MAGI2: variants seen among roughly 807,000 people sequenced by gnomAD.
The protein encoded by MAGI2 is membrane-associated guanylate kinase, WW and PDZ domain-containing protein 2.
Under a neutral mutation model 133.3 loss-of-function variants are expected in MAGI2, and 35 were observed. The observed-to-expected ratio is 0.26, with a 90% CI of 0.20 to 0.35. The LOEUF is 0.35. Ranked by LOEUF, MAGI2 falls within the 10% of genes least tolerant of loss-of-function variation. The pLI is 1.00. For synonymous variants in MAGI2, 729 were observed against 710.6 expected, an observed-to-expected ratio of 1.03 and a Z score of -0.41; for missense variants, 1,636 against 1,863.4, an observed-to-expected ratio of 0.88 and a Z score of 2.25.
intron 7 of MAGI2, among the ~76,000 whole-genome samples, chr7:78,368,567 T>C (rs1793613323): frequency 6.6e-6 from 1 of 152,000 alleles, no homozygotes; most frequent in Non-Finnish European, 1.5e-5. Flanking sequence ...CCAAGAAAAA[T>C]ATGTGTATAT....
At chr7:79,333,558 T>C (rs763277164) in intron 1 of MAGI2, among the ~76,000 whole-genome samples, 20 of 152,344 alleles carry the variant, frequency 1.3e-4, no homozygotes, top group Non-Finnish European at 2.6e-4. Flanking sequence ...TACAATTTCT[T>C]ATTAAGCAGT....
intron 2 of MAGI2, among the ~76,000 whole-genome samples, chr7:78,674,729 T>C (rs1329018250): frequency 6.6e-6 from 1 of 152,122 alleles, no homozygotes; most frequent in African/African-American, 2.4e-5. Flanking sequence ...AGAGATTATA[T>C]GCAACTATTC....
At chr7:78,874,190 A>T (rs566764719) in intron 2 of MAGI2, among the ~76,000 whole-genome samples, 1 of 152,296 alleles carries the variant, frequency 6.6e-6, no homozygotes, top group East Asian at 1.9e-4. Flanking sequence ...TTTTATGGAG[A>T]GAAACAACTT....
chr7:79,333,522 G>A (rs1840231481), intron 1 of MAGI2, among the ~76,000 whole-genome samples: 1 of 152,098 alleles, frequency 6.6e-6, no homozygotes, highest in Non-Finnish European at 1.5e-5. Flanking sequence ...CCATTTTACA[G>A]TATTTGGATT....
At chr7:78,884,003 G>A (rs1247596507) in intron 2 of MAGI2, among the ~76,000 whole-genome samples, 1 of 152,070 alleles carries the variant, frequency 6.6e-6, no homozygotes, top group Admixed American at 6.5e-5. Flanking sequence ...AAATTGACAA[G>A]TGCGACCTGA....
chr7:78,931,047 T>C (rs527410168), intron 2 of MAGI2, among the ~76,000 whole-genome samples: 3 of 152,180 alleles, frequency 2.0e-5, no homozygotes, highest in African/African-American at 7.2e-5. Context: ...CATGAAGAAT[T>C]AACGCAGAAG....
chr7:78,587,100 G>A (rs1051630790), intron 3 of MAGI2, among the ~76,000 whole-genome samples: 2 of 152,168 alleles, frequency 1.3e-5, no homozygotes, highest in African/African-American at 4.8e-5. Flanking sequence ...ATACCCAGAA[G>A]TGAAATTGCT....
At chr7:79,257,803 G>T (rs1006378094) in intron 1 of MAGI2, among the ~76,000 whole-genome samples, 1 of 152,020 alleles carries the variant, frequency 6.6e-6, no homozygotes, top group South Asian at 2.1e-4. Flanking sequence ...TGCTACTCAC[G>T]AGAAAAAGGA....
chr7:78,617,570 G>A (rs1452621297), intron 3 of MAGI2: 1 of 152,062 alleles, frequency 6.6e-6, no homozygotes, highest in African/African-American at 2.4e-5. Flanking sequence ...TCAATAAGGA[G>A]AAGCTTTCAT....
chr7:78,351,421 A>C, intron 7 of MAGI2, among the ~76,000 whole-genome samples: 1 of 152,084 alleles, frequency 6.6e-6, no homozygotes, highest in African/African-American at 2.4e-5. Flanking sequence ...AAAAGTGTGA[A>C]TAAGGAAAAG....
At chr7:78,413,620 G>A (rs1798044912) in intron 6 of MAGI2, among the ~76,000 whole-genome samples, 2 of 152,012 alleles carry the variant, frequency 1.3e-5, no homozygotes, top group Admixed American at 6.6e-5. Context: ...TGAGGCAATG[G>A]GAGTGAATGA....
intron 2 of MAGI2, among the ~76,000 whole-genome samples, chr7:78,687,748 C>G (rs944867838): frequency 6.6e-6 from 1 of 151,832 alleles, no homozygotes; most frequent in Non-Finnish European, 1.5e-5. Flanking sequence ...GCGGGTGGAT[C>G]ATTTGAGGCG....
At chr7:78,423,684 G>A (rs1414764216) in intron 6 of MAGI2, among the ~76,000 whole-genome samples, 2 of 152,180 alleles carry the variant, frequency 1.3e-5, no homozygotes, top group East Asian at 1.9e-4. Context: ...GGTGGTCTCA[G>A]ATAGAGATGA....
At chr7:78,772,433 C>T (rs984231438) in intron 2 of MAGI2, among the ~76,000 whole-genome samples, 7 of 152,158 alleles carry the variant, frequency 4.6e-5, no homozygotes, top group African/African-American at 1.7e-4. Context: ...CATGATGATA[C>T]TGGTGCCTCA....
At chr7:78,124,861 C>CTTTTT (rs10707820) in intron 20 of MAGI2, among the ~76,000 whole-genome samples, 10 of 137,430 alleles carry the variant, frequency 7.3e-5, no homozygotes, top group Non-Finnish European at 6.2e-5. Context: ...TAGCTGCTGT[C>CTTTTT]TTTTTTTTTT....
chr7:78,289,613 C>G (rs62463893), intron 9 of MAGI2, among the ~76,000 whole-genome samples: 6,775 of 152,216 alleles, frequency 0.045, 226 homozygotes, highest in South Asian at 0.12. Flanking sequence ...CACAAAGATA[C>G]TCCTCGAGAA....
At chr7:78,248,609 A>G (rs933608819) in intron 10 of MAGI2, among the ~76,000 whole-genome samples, 1 of 152,176 alleles carries the variant, frequency 6.6e-6, no homozygotes, top group Middle Eastern at 3.2e-3. Flanking sequence ...ACAAAAGAGT[A>G]GGAGTGGCTA....
At chr7:78,650,811 T>C (rs899693059) in intron 2 of MAGI2, among the ~76,000 whole-genome samples, 2 of 152,172 alleles carry the variant, frequency 1.3e-5, no homozygotes, top group African/African-American at 4.8e-5. Context: ...TAAGTGCTAC[T>C]CGGCTGTAAG....
At chr7:78,428,922 G>A (rs527839341) in intron 6 of MAGI2, among the ~76,000 whole-genome samples, 1 of 152,130 alleles carries the variant, frequency 6.6e-6, no homozygotes, top group Non-Finnish European at 1.5e-5. Context: ...CTGGGACAGG[G>A]TAGCATGCTC....
Sources: gnomAD v4.1 joint callset for allele counts (sites outside exome capture counted in the v4.1 genomes callset) on GRCh38, gnomAD v4.1.1 for gene constraint, MANE v1.5 for transcripts, NCBI Gene and HGNC (gene_info 2026-07-23, HGNC 2026-07-21) for gene names.